ZNF385D: variants seen among roughly 807,000 people sequenced by gnomAD.
The protein encoded by ZNF385D is zinc finger protein 385D.
In ZNF385D, 15 loss-of-function variants were observed where a neutral mutation model predicts 35.8. The ratio of observed to expected loss-of-function variants is 0.42; its 90% CI spans 0.28 to 0.64. The LOEUF (loss-of-function observed/expected upper bound fraction) is 0.64. ZNF385D is among the 30% of genes least tolerant of loss of function. ZNF385D has a pLI of 0.23. For missense variants in ZNF385D, 474 were observed against 494.6 expected, an observed-to-expected ratio of 0.96 and a Z score of 0.39; for synonymous variants, 212 against 186.8, an observed-to-expected ratio of 1.13 and a Z score of -1.10.
At chr3:22,334,095 A>T (rs1695057864) in intron 2 of ZNF385D, among the ~76,000 whole-genome samples, 1 of 152,186 alleles carries the variant, frequency 6.6e-6, no homozygotes, top group South Asian at 2.1e-4. Context: ...TATTTAATGC[A>T]TGTCTCTTAT....
In ZNF385D at chr3:21,872,701, C is replaced by G. The variant is rs115036224; in HGVS notation, c.326-207673G>C. Among the ~76,000 whole-genome samples the G allele has an allele frequency of 3.9e-3, 592 of 152,136 alleles. 5 individuals are homozygous for G. Among genetic ancestry groups the G allele is most frequent in the African/African-American group, 0.014 (565 of 41,530 alleles). ...AATGGCCTGAAAGAAATAGAGTTTGCTGAGCTTGCAAACCTAAACTTCTGA... is the reference window on the plus strand; with the variant it reads ...AATGGCCTGAAAGAAATAGAGTTTGGTGAGCTTGCAAACCTAAACTTCTGA... On this transcript the variant is annotated intron_variant, in intron 3 of 5. Coordinates refer to the ZNF385D transcript ENST00000494108.
intron 3 of ZNF385D, among the ~76,000 whole-genome samples, chr3:21,830,041 T>C (rs1457624975): frequency 1.3e-5 from 2 of 151,978 alleles, no homozygotes; most frequent in Admixed American, 1.3e-4. Context: ...GGAGAATTGC[T>C]TGAACTCAGG....
intron 3 of ZNF385D, among the ~76,000 whole-genome samples, chr3:21,949,548 TTC>T (rs769525287): frequency 1.7e-3 from 80 of 47,248 alleles, no homozygotes; most frequent in Middle Eastern, 0.01. Flanking sequence ...CTTCTTTTCT[TTC>T]TTTCTTTTTT....
chr3:21,480,051 G>T (rs1218952377), intron 4 of ZNF385D, among the ~76,000 whole-genome samples: 1 of 151,378 alleles, frequency 6.6e-6, no homozygotes, highest in East Asian at 1.9e-4. Context: ...AGAGATGGTG[G>T]CATATAATAA....
At chr3:22,316,443 C>T (rs1703890467) in intron 2 of ZNF385D, among the ~76,000 whole-genome samples, 2 of 152,188 alleles carry the variant, frequency 1.3e-5, no homozygotes, top group African/African-American at 4.8e-5. Context: ...ATAGGTTGCA[C>T]TAATCTGATT....
chr3:21,693,593 AAG>A (rs2125352896), intron 1 of ZNF385D, among the ~76,000 whole-genome samples: 1 of 152,258 alleles, frequency 6.6e-6, no homozygotes, highest in Admixed American at 6.5e-5. Flanking sequence ...CTCATCCATA[AAG>A]ATGGGATACC....
chr3:21,882,426 CATT>C (rs922531735), intron 3 of ZNF385D, among the ~76,000 whole-genome samples: 39 of 131,216 alleles, frequency 3.0e-4, no homozygotes, highest in Admixed American at 2.0e-3. Context: ...AGATATAAAA[CATT>C]GTTGTTTTAT....
chr3:21,428,193 T>C (rs1190887405), intron 5 of ZNF385D, among the ~76,000 whole-genome samples: 3 of 152,152 alleles, frequency 2.0e-5, no homozygotes, highest in African/African-American at 7.2e-5. Flanking sequence ...AAAATGTGCA[T>C]TAATAATATA....
chr3:21,512,145 C>CAAAAAAAA lies in ZNF385D; in HGVS notation c.277-1130_277-1123dup, dbSNP rs35276805. On this transcript the variant is annotated intron_variant, in intron 3 of 7. Transcript: ENST00000281523. ...CTGGTGACAGAGCGAGACTCCATCT[C>CAAAAAAAA]AAAAAAAAAAAAAAAAAAAGAAGTA... Among the ~76,000 whole-genome samples, 433 of 90,260 alleles carry CAAAAAAAA rather than the reference C, an allele frequency of 4.8e-3. 5 individuals are homozygous for CAAAAAAAA. Among genetic ancestry groups the CAAAAAAAA allele is most frequent in the South Asian group, 0.036 (78 of 2,180 alleles). 59.2% of individuals were successfully genotyped at this position (90,260 alleles called of 152,430 possible). A position where few individuals can be genotyped will look rare whatever the true frequency, so the allele number is the denominator to read the frequency against.
chr3:21,858,334 CA>C (rs1163687560), intron 3 of ZNF385D, among the ~76,000 whole-genome samples: 1 of 151,942 alleles, frequency 6.6e-6, no homozygotes, highest in Non-Finnish European at 1.5e-5. Context: ...GTTATATGCA[CA>C]GTGGACTCTG....
intron 3 of ZNF385D, among the ~76,000 whole-genome samples, chr3:22,093,897 T>C (rs1701463642): frequency 1.3e-5 from 2 of 152,092 alleles, no homozygotes; most frequent in Admixed American, 1.3e-4. Context: ...ACTTTATAAA[T>C]GAAGACATCA....
chr3:22,185,736 G>T (rs546694264), intron 2 of ZNF385D, among the ~76,000 whole-genome samples: 1 of 152,278 alleles, frequency 6.6e-6, no homozygotes, highest in South Asian at 2.1e-4. Context: ...AAAGTGCTGG[G>T]ATTACAGGTG....
chr3:21,911,563 T>C (rs915878508), intron 3 of ZNF385D, among the ~76,000 whole-genome samples: 2 of 152,034 alleles, frequency 1.3e-5, no homozygotes, highest in African/African-American at 4.8e-5. Context: ...AATCAAATTA[T>C]CTGAGATGAT....
chr3:22,371,076 G>T (rs907601088), intron 2 of ZNF385D, among the ~76,000 whole-genome samples: 1 of 152,176 alleles, frequency 6.6e-6, no homozygotes, highest in Non-Finnish European at 1.5e-5. Flanking sequence ...TGAAGAAATT[G>T]CAGCAAAGCC....
intron 2 of ZNF385D, among the ~76,000 whole-genome samples, chr3:22,213,958 T>C (rs916490390): frequency 6.6e-6 from 1 of 152,030 alleles, no homozygotes; most frequent in Non-Finnish European, 1.5e-5. Flanking sequence ...AATTTCCAAT[T>C]AGTAAAGACC....
intron 3 of ZNF385D, among the ~76,000 whole-genome samples, chr3:21,803,002 C>T (rs1439535181): frequency 2.6e-5 from 4 of 152,156 alleles, no homozygotes; most frequent in Non-Finnish European, 5.9e-5. Flanking sequence ...AAGTCTCAGG[C>T]TGATCCTTCA....
In ZNF385D at chr3:21,421,168, T is replaced by C; in HGVS notation, c.*46A>G. On this transcript the variant is annotated 3_prime_UTR_variant, in exon 8 of 8. Transcript: ENST00000281523. The stretch of plus-strand genomic sequence containing the variant: ...AGTTCTCTTTTGTTTGTTTTGTTTT[T>C]TGTTTTTTGAAAAATTATTGCAGTA... 1 of 1,517,488 alleles carries C rather than the reference T, an allele frequency of 6.6e-7. No homozygotes were observed. The highest frequency in any genetic ancestry group is 9.1e-7 in the Non-Finnish European group (1 of 1,097,848). The allele number at this position is 1,517,488 out of a possible 1,614,324, so 94.0% of individuals were successfully genotyped here.
chr3:22,035,175 C>T (rs1274725330), intron 3 of ZNF385D, among the ~76,000 whole-genome samples: 1 of 152,108 alleles, frequency 6.6e-6, no homozygotes, highest in Non-Finnish European at 1.5e-5. Flanking sequence ...TCACTTGTAT[C>T]ATTTAGTTTG....
chr3:22,358,768 C>A lies in ZNF385D; in HGVS notation c.106+13682G>T, dbSNP rs190475798. 2.5e-3 allele frequency among the ~76,000 whole-genome samples: 377 copies of A among 151,586 alleles called. 3 individuals are homozygous for A. The highest frequency in any genetic ancestry group is 0.01 in the Middle Eastern group (3 of 294). On this transcript the variant is annotated intron_variant, in intron 2 of 5. Transcript: ENST00000494108. ...GGCATTGGACAGAGGACTTAAAAAG[C>A]AAGGAAAAATTTAGAATGGCCTTTA... is the stretch of plus-strand genomic sequence containing the variant.
Sources: gnomAD v4.1 joint callset for allele counts (sites outside exome capture counted in the v4.1 genomes callset) on GRCh38, gnomAD v4.1.1 for gene constraint, MANE v1.5 for transcripts, NCBI Gene and HGNC (gene_info 2026-07-23, HGNC 2026-07-21) for gene names.